Variants in CHRM3 observed in about 807,000 individuals in gnomAD.
The protein encoded by CHRM3 is muscarinic acetylcholine receptor M3.
In CHRM3, 11 loss-of-function variants were observed where a neutral mutation model predicts 41.8. The observed-to-expected ratio is 0.26, with a 90% confidence interval of 0.17 to 0.44. CHRM3 has a LOEUF of 0.44. Ranked by LOEUF, CHRM3 falls within the 20% of genes least tolerant of loss-of-function variation. The pLI is 1.00. For missense variants in CHRM3, 571 were observed against 745.4 expected (o/e 0.77, Z 2.72); for synonymous variants, 297 against 301.4 (o/e 0.99, Z 0.15).
At chr1:239,647,251 C>T (rs1372967098) in intron 4 of CHRM3, among the ~76,000 whole-genome samples, 1 of 152,186 alleles carries the variant, frequency 6.6e-6, no homozygotes, top group Non-Finnish European at 1.5e-5. Flanking sequence ...TGCAGTTTCA[C>T]CACATCACTC....
chr1:239,551,361 C>T (rs577559726), intron 3 of CHRM3, among the ~76,000 whole-genome samples: 136 of 151,520 alleles, frequency 9.0e-4, no homozygotes, highest in African/African-American at 3.2e-3. Flanking sequence ...GGGGTTTCTC[C>T]ATGTTGGTCA....
intron 1 of CHRM3, among the ~76,000 whole-genome samples, chr1:239,441,332 C>T (rs1011429221): frequency 3.3e-5 from 5 of 152,188 alleles, no homozygotes; most frequent in South Asian, 2.1e-4. Context: ...TTTTCTGTGC[C>T]ATTCTAAGTA....
intron 3 of CHRM3, among the ~76,000 whole-genome samples, chr1:239,594,128 C>T (rs1664514866): frequency 6.6e-6 from 1 of 152,130 alleles, no homozygotes. Context: ...CACAATTTAG[C>T]ATTATTAGTT....
chr1:239,674,391 A>G lies in CHRM3; in HGVS notation c.-249-3795A>G, dbSNP rs534090986. 1.1e-4 allele frequency among the ~76,000 whole-genome samples: 17 copies of G among 152,170 alleles called. No homozygotes were observed. The East Asian group carries it at 2.5e-3, about 23-fold the overall frequency. ...GCAGTTAATGTACATTGTACTTACC[A>G]TTTGACCATTAGTGTGGCTTAATTA... On this transcript the variant is annotated intron_variant, in intron 4 of 6. Transcript: ENST00000676153.
chr1:239,648,089 C>A (rs190520024), intron 4 of CHRM3, among the ~76,000 whole-genome samples: 78 of 152,202 alleles, frequency 5.1e-4, no homozygotes, highest in Admixed American at 5.9e-4. Flanking sequence ...GCTTAATTCT[C>A]AAGTTGCATT....
At chr1:239,767,599 A>G (rs1395880293) in intron 5 of CHRM3, among the ~76,000 whole-genome samples, 1 of 152,232 alleles carries the variant, frequency 6.6e-6, no homozygotes, top group Non-Finnish European at 1.5e-5. Flanking sequence ...ATCAATGACT[A>G]TAATTATATA....
intron 5 of CHRM3, among the ~76,000 whole-genome samples, chr1:239,736,518 G>T (rs888894095): frequency 6.6e-6 from 1 of 151,978 alleles, no homozygotes; most frequent in Non-Finnish European, 1.5e-5. Context: ...ATACATAGGG[G>T]CATTGGTGTG....
At chr1:239,521,930 C>T (rs964187589) in intron 2 of CHRM3, among the ~76,000 whole-genome samples, 11 of 152,144 alleles carry the variant, frequency 7.2e-5, no homozygotes, top group African/African-American at 2.7e-4. Flanking sequence ...TATGACATTT[C>T]ATATAAGGGA....
intron 1 of CHRM3, among the ~76,000 whole-genome samples, chr1:239,474,862 A>T (rs1666363281): frequency 6.6e-6 from 1 of 152,114 alleles, no homozygotes; most frequent in Non-Finnish European, 1.5e-5. Flanking sequence ...CACTTTTTTT[A>T]AAATCATGAA....
At chr1:239,480,256 C>T (rs938522929) in intron 1 of CHRM3, among the ~76,000 whole-genome samples, 1 of 152,026 alleles carries the variant, frequency 6.6e-6, no homozygotes, top group Non-Finnish European at 1.5e-5. Context: ...AAAGCTCCTA[C>T]ATGGAGAAAA....
At chr1:239,883,685 TA>T (rs1219367869) in intron 6 of CHRM3, among the ~76,000 whole-genome samples, 2 of 152,190 alleles carry the variant, frequency 1.3e-5, no homozygotes, top group Non-Finnish European at 2.9e-5. Flanking sequence ...CCACTAAGTC[TA>T]GTTCTTGGTT....
chr1:239,864,230 G>A (rs944706505), intron 6 of CHRM3, among the ~76,000 whole-genome samples: 1 of 152,146 alleles, frequency 6.6e-6, no homozygotes, highest in African/African-American at 2.4e-5. Flanking sequence ...GTATAGGCCG[G>A]GCATGGTGGC....
chr1:239,696,584 A>G (rs1287320818), intron 5 of CHRM3, among the ~76,000 whole-genome samples: 1 of 152,190 alleles, frequency 6.6e-6, no homozygotes, highest in East Asian at 1.9e-4. Flanking sequence ...CATGGAAAGC[A>G]CCTACAGATG....
At chr1:239,612,024 C>A (rs1248946092) in intron 3 of CHRM3, among the ~76,000 whole-genome samples, 1 of 152,140 alleles carries the variant, frequency 6.6e-6, no homozygotes. Context: ...CTGGGGAGCT[C>A]AGGTTGCTCT....
chr1:239,645,620 C>A lies in CHRM3; in HGVS notation c.-250+13334C>A, dbSNP rs74150622. The stretch of plus-strand genomic sequence containing the variant: ...TACCTATGTGATGTCATACACAAAA[C>A]AAACACAACGCAGAAAAGCTAGGAT... On this transcript the variant is annotated intron_variant, in intron 4 of 6. Coordinates refer to ENST00000676153, the MANE Select transcript of CHRM3 (RefSeq NM_001375978.1). Among the ~76,000 whole-genome samples the A allele has an allele frequency of 4.3e-3, 658 of 152,094 alleles. 3 individuals are homozygous for A. The highest frequency in any genetic ancestry group is 0.015 in the African/African-American group (631 of 41,506).
At chr1:239,630,804 G>C (rs1202024426) in intron 3 of CHRM3, among the ~76,000 whole-genome samples, 10 of 151,946 alleles carry the variant, frequency 6.6e-5, no homozygotes, top group African/African-American at 2.4e-4. Context: ...CTCAACCTCA[G>C]TTTCCCAGCC....
At chr1:239,425,930 C>T (rs1662331827) in intron 1 of CHRM3, among the ~76,000 whole-genome samples, 1 of 152,174 alleles carries the variant, frequency 6.6e-6, no homozygotes, top group Admixed American at 6.5e-5. Flanking sequence ...GAAGCCAGCT[C>T]ATACCAGCTC....
intron 1 of CHRM3, among the ~76,000 whole-genome samples, chr1:239,468,888 A>C (rs1422306793): frequency 2.0e-5 from 3 of 152,206 alleles, no homozygotes; most frequent in Admixed American, 2.0e-4. Context: ...CAGGAGACAA[A>C]GCTACAAAAG....
In CHRM3 at chr1:239,466,597, G is replaced by A. The variant is rs148723354; in HGVS notation, c.-520-26112G>A. Among the ~76,000 whole-genome samples, 582 of 151,750 alleles carry A rather than the reference G, an allele frequency of 3.8e-3. 1 individual carries two copies. The highest frequency in any genetic ancestry group is 0.013 in the African/African-American group (559 of 41,462). On this transcript the variant is annotated intron_variant, in intron 1 of 6. Transcript: ENST00000676153. ...GGATCAACTGTATTTCTGAAAAGAAGTATTCTTAATTTTCAATTATTATGT... is the reference window on the plus strand; with the variant it reads ...GGATCAACTGTATTTCTGAAAAGAAATATTCTTAATTTTCAATTATTATGT...
Sources: allele counts gnomAD v4.1 joint callset (sites outside exome capture counted in the v4.1 genomes callset), GRCh38; gene constraint gnomAD v4.1.1; transcripts MANE v1.5; gene names NCBI Gene and HGNC (gene_info 2026-07-23, HGNC 2026-07-21).